ITGBL1: variants seen among roughly 807,000 people sequenced by gnomAD.
The protein encoded by ITGBL1 is integrin subunit beta like 1.
In ITGBL1, 51 loss-of-function variants were observed where a neutral mutation model predicts 68.5. The observed-to-expected ratio is 0.74, with a 90% CI of 0.59 to 0.94. The LOEUF (loss-of-function observed/expected upper bound fraction) is 0.94. ITGBL1 is among the 40% of genes least tolerant of loss of function. The pLI, the probability that ITGBL1 is intolerant of heterozygous loss-of-function variation, is 0.00. For synonymous variants in ITGBL1, 209 were observed against 227.3 expected, an observed-to-expected ratio of 0.92 and a Z score of 0.72; for missense variants, 649 against 647.4, an observed-to-expected ratio of 1.00 and a Z score of -0.03.
intron 2 of ITGBL1, among the ~76,000 whole-genome samples, chr13:101,462,445 T>G (rs1394343948): frequency 6.6e-6 from 1 of 152,190 alleles, no homozygotes; most frequent in Non-Finnish European, 1.5e-5. Flanking sequence ...GCACTCTGTA[T>G]GTGTGAATGG....
At chr13:101,660,181 C>T (rs981495877) in intron 7 of ITGBL1, among the ~76,000 whole-genome samples, 2 of 152,154 alleles carry the variant, frequency 1.3e-5, no homozygotes, top group African/African-American at 4.8e-5. Context: ...GCCGGCCACA[C>T]CACGTGGGAG....
rs1304161444 is a variant in ITGBL1, at chr13:101,543,902, A to G, written c.317-23797A>G. Reference sequence around the variant, plus strand: ...TTCTCGTGCCTTGGTTTTCAGCTCCATCGGGTCCTTTAAGGACTTCTCTGC... The same window carrying G: ...TTCTCGTGCCTTGGTTTTCAGCTCCGTCGGGTCCTTTAAGGACTTCTCTGC... On this transcript the variant is annotated intron_variant, in intron 2 of 10. Coordinates refer to ENST00000376180, the MANE Select transcript of ITGBL1 (RefSeq NM_004791.3). 5.9e-5 allele frequency among the ~76,000 whole-genome samples: 9 copies of G among 152,228 alleles called. No individual in the cohort carries two copies. In the East Asian group the frequency reaches 1.5e-3, roughly 26 times the overall value.
chr13:101,580,943 C>T (rs868189322), intron 5 of ITGBL1, among the ~76,000 whole-genome samples: 25 of 152,254 alleles, frequency 1.6e-4, no homozygotes, highest in Middle Eastern at 3.4e-3. Context: ...CTTGCCTGAG[C>T]GAGGCTCACA....
chr13:101,705,082 T>A (rs937721651), intron 8 of ITGBL1, among the ~76,000 whole-genome samples: 13 of 151,980 alleles, frequency 8.6e-5, no homozygotes, highest in African/African-American at 3.1e-4. Context: ...CCGATGTTTT[T>A]CCCAGAATAT....
At chr13:101,633,612 CT>C (rs1330752132) in intron 7 of ITGBL1, among the ~76,000 whole-genome samples, 2 of 152,150 alleles carry the variant, frequency 1.3e-5, no homozygotes, top group Non-Finnish European at 2.9e-5. Flanking sequence ...AGCCTTTTTG[CT>C]TTTTCCCTTC....
chr13:101,491,259 C>T (rs889930926), intron 2 of ITGBL1, among the ~76,000 whole-genome samples: 5 of 152,150 alleles, frequency 3.3e-5, no homozygotes, highest in Admixed American at 1.3e-4. Context: ...TTTGTCAGGG[C>T]CCAGTTCTAG....
At chr13:101,659,039 A>ATTTTTTTT (rs55935871) in intron 7 of ITGBL1, among the ~76,000 whole-genome samples, 4 of 103,848 alleles carry the variant, frequency 3.9e-5, no homozygotes, top group Admixed American at 1.2e-4. Flanking sequence ...TGGTGATTGA[A>ATTTTTTTT]TTTTTTTTTT....
chr13:101,697,514 C>G (rs564828781), intron 8 of ITGBL1, among the ~76,000 whole-genome samples: 8 of 152,184 alleles, frequency 5.3e-5, no homozygotes, highest in African/African-American at 1.9e-4. Flanking sequence ...GAAGAAGTAA[C>G]CATTTTCTTT....
chr13:101,563,159 A>G (rs984630189), intron 2 of ITGBL1, among the ~76,000 whole-genome samples: 2 of 151,370 alleles, frequency 1.3e-5, no homozygotes, highest in Non-Finnish European at 1.5e-5. Context: ...CATAGTACTT[A>G]GAGAAAAATT....
chr13:101,493,952 C>A (rs184127707), intron 2 of ITGBL1, among the ~76,000 whole-genome samples: 4 of 152,288 alleles, frequency 2.6e-5, no homozygotes, highest in Admixed American at 6.5e-5. Context: ...TTAACTAATT[C>A]TATTTCTTTG....
chr13:101,689,464 T>C (rs559716483), intron 7 of ITGBL1, among the ~76,000 whole-genome samples: 148 of 151,146 alleles, frequency 9.8e-4, no homozygotes, highest in African/African-American at 3.4e-3. Context: ...CTTACAAAAA[T>C]TAGCCAGGCA....
chr13:101,554,070 C>T (rs1371743496), intron 2 of ITGBL1, among the ~76,000 whole-genome samples: 1 of 152,134 alleles, frequency 6.6e-6, no homozygotes, highest in African/African-American at 2.4e-5. Context: ...CCCCGCTGTG[C>T]CCGGCCGAGG....
At chr13:101,518,728 A>T (rs374674400) in intron 2 of ITGBL1, among the ~76,000 whole-genome samples, 22 of 152,346 alleles carry the variant, frequency 1.4e-4, no homozygotes, top group African/African-American at 5.0e-4. Flanking sequence ...ATATAATGGC[A>T]TTTATGTTTT....
rs540620414 is a variant in ITGBL1 at position 101,521,543 on chromosome 13, A to G, written c.317-46156A>G. Among the ~76,000 whole-genome samples the G allele has an allele frequency of 1.8e-4, 27 of 152,058 alleles. No homozygotes were observed. In the South Asian group the frequency reaches 5.4e-3, roughly 30 times the overall value. On this transcript the variant is annotated intron_variant, in intron 2 of 10. Transcript: ENST00000376180. ...GTGTGCCTGGATCTGGACCCAAGGG[A>G]ATGAGAAGGGAGGGTGGGAGGAGAT...
rs116610719 is a variant in ITGBL1, at chr13:101,463,170, C to A, written c.316+9070C>A. ...GCTAGACACCCCTCTCCTACCCTAG[C>A]GTAATTCCTGGTCCTAAGATATTTA... On this transcript the variant is annotated intron_variant, in intron 2 of 10. Transcript: ENST00000376180. Among the ~76,000 whole-genome samples the A allele has an allele frequency of 9.0e-3, 1,378 of 152,292 alleles. 14 individuals are homozygous for A. Among genetic ancestry groups the A allele is most frequent in the Middle Eastern group, 0.02 (6 of 294 alleles).
intron 2 of ITGBL1, among the ~76,000 whole-genome samples, chr13:101,482,872 C>T (rs149373618): frequency 1.3e-5 from 2 of 152,234 alleles, no homozygotes; most frequent in East Asian, 3.9e-4. Flanking sequence ...CAGCAGCACA[C>T]GCATCAACGG....
chr13:101,677,130 T>C (rs2139517397), intron 7 of ITGBL1, among the ~76,000 whole-genome samples: 1 of 152,208 alleles, frequency 6.6e-6, no homozygotes, highest in Non-Finnish European at 1.5e-5. Context: ...TTTCTAAATA[T>C]ATAAATACAT....
At chr13:101,612,431 G>A (rs1594930013) in intron 7 of ITGBL1, among the ~76,000 whole-genome samples, 1 of 152,174 alleles carries the variant, frequency 6.6e-6, no homozygotes, top group South Asian at 2.1e-4. Context: ...GGAGTATGTA[G>A]TGCCTGGTAA....
chr13:101,603,346 C>CT (rs2030505532), intron 7 of ITGBL1, among the ~76,000 whole-genome samples: 1 of 151,888 alleles, frequency 6.6e-6, no homozygotes, highest in Non-Finnish European at 1.5e-5. Context: ...TTATTTTCCC[C>CT]TAAGGGTTGT....
Sources: gnomAD v4.1 joint callset for allele counts (sites outside exome capture counted in the v4.1 genomes callset) on GRCh38, gnomAD v4.1.1 for gene constraint, MANE v1.5 for transcripts, NCBI Gene and HGNC (gene_info 2026-07-23, HGNC 2026-07-21) for gene names.